Variants in HEMK2 observed in about 807,000 individuals in gnomAD.
The protein encoded by HEMK2 is HemK methyltransferase 2, ETF1 glutamine and histone H4 lysine.
the HEMK2 span, among the ~76,000 whole-genome samples, chr21:28,864,859 A>G: frequency 1.8e-3 from 247 of 136,228 alleles, 2 homozygotes; most frequent in South Asian, 6.2e-3. Flanking sequence ...AGATAGATAG[A>G]TAGATAGATG....
chr21:28,759,451 G>A, the HEMK2 span, among the ~76,000 whole-genome samples: 20 of 152,048 alleles, frequency 1.3e-4, no homozygotes, highest in Admixed American at 9.2e-4. Flanking sequence ...CAGGCTCATC[G>A]GCAGAAGGGA....
chr21:28,627,056 T>C, the HEMK2 span, among the ~76,000 whole-genome samples: 4 of 152,062 alleles, frequency 2.6e-5, no homozygotes, highest in East Asian at 1.9e-4. Context: ...TGGTCAGCAA[T>C]AAAAAGGAAC....
At chr21:28,875,281 T>C in the HEMK2 span, 1 of 152,244 alleles carries the variant, frequency 6.6e-6, no homozygotes, top group Non-Finnish European at 1.5e-5. Flanking sequence ...TAACATCCAG[T>C]TCATGATGGG....
the HEMK2 span, among the ~76,000 whole-genome samples, chr21:28,676,443 G>A: frequency 6.6e-6 from 1 of 152,182 alleles, no homozygotes. Flanking sequence ...GTACCAGGGG[G>A]TTAGGACTTC....
the HEMK2 span, among the ~76,000 whole-genome samples, chr21:28,751,272 G>A: frequency 6.7e-6 from 1 of 149,446 alleles, no homozygotes; most frequent in South Asian, 2.1e-4. Flanking sequence ...TCACTTTCAT[G>A]ACACAGAGAG....
the HEMK2 span, among the ~76,000 whole-genome samples, chr21:28,717,464 G>A: frequency 7.0e-6 from 1 of 143,566 alleles, no homozygotes; most frequent in Non-Finnish European, 1.5e-5. Flanking sequence ...GGGATCAGTT[G>A]TAATGTCATT....
the HEMK2 span, among the ~76,000 whole-genome samples, chr21:28,587,725 C>A: frequency 0.051 from 7,815 of 152,230 alleles, 201 homozygotes; most frequent in African/African-American, 0.066. Flanking sequence ...TACAGTCTGT[C>A]ATCTCTTCAC....
the HEMK2 span, among the ~76,000 whole-genome samples, chr21:28,618,433 G>A: frequency 6.6e-6 from 1 of 152,116 alleles, no homozygotes; most frequent in Non-Finnish European, 1.5e-5. Context: ...ATAGTTCATA[G>A]TTTATTTTAC....
At chr21:28,798,739 G>A in the HEMK2 span, among the ~76,000 whole-genome samples, 1 of 152,194 alleles carries the variant, frequency 6.6e-6, no homozygotes, top group African/African-American at 2.4e-5. Flanking sequence ...ACTAGTAGTA[G>A]AAGCTGTAGT....
chr21:28,884,915 G>A, the HEMK2 span, among the ~76,000 whole-genome samples: 1 of 152,060 alleles, frequency 6.6e-6, no homozygotes, highest in Non-Finnish European at 1.5e-5. Flanking sequence ...CTTCTCTCAG[G>A]GACATGTGTT....
the HEMK2 span, among the ~76,000 whole-genome samples, chr21:28,716,082 C>T: frequency 6.6e-6 from 1 of 152,048 alleles, no homozygotes; most frequent in Admixed American, 6.6e-5. Flanking sequence ...TGTGATGCTT[C>T]CAGCTTTATT....
chr21:28,675,906 A>G, the HEMK2 span, among the ~76,000 whole-genome samples: 5 of 152,144 alleles, frequency 3.3e-5, no homozygotes, highest in Non-Finnish European at 5.9e-5. Context: ...GAAGTTTCTC[A>G]TTTGGAATTA....
the HEMK2 span, among the ~76,000 whole-genome samples, chr21:28,794,948 A>G: frequency 3.9e-5 from 6 of 152,252 alleles, no homozygotes; most frequent in Middle Eastern, 6.8e-3. Context: ...TAAAGTCCAG[A>G]CCTGGTGCCG....
the HEMK2 span, among the ~76,000 whole-genome samples, chr21:28,675,047 T>C: frequency 6.6e-6 from 1 of 152,208 alleles, no homozygotes; most frequent in East Asian, 1.9e-4. Flanking sequence ...AATGATTCAT[T>C]AGCTACCTAA....
chr21:28,595,294 T>A, the HEMK2 span, among the ~76,000 whole-genome samples: 1 of 151,938 alleles, frequency 6.6e-6, no homozygotes, highest in African/African-American at 2.4e-5. Context: ...TTTGTACCCA[T>A]TAACCGCCCC....
At chr21:28,783,964 A>T in the HEMK2 span, among the ~76,000 whole-genome samples, 3 of 152,180 alleles carry the variant, frequency 2.0e-5, no homozygotes, top group African/African-American at 7.2e-5. Flanking sequence ...CTGAGCTCTA[A>T]TTCTCACCGG....
chr21:28,741,370 C>A, the HEMK2 span, among the ~76,000 whole-genome samples: 34,827 of 152,154 alleles, frequency 0.23, 4,629 homozygotes, highest in African/African-American at 0.35. Context: ...TTCAAACCTA[C>A]TACAGAAAGA....
At chr21:28,725,208 C>T in the HEMK2 span, among the ~76,000 whole-genome samples, 3 of 152,126 alleles carry the variant, frequency 2.0e-5, no homozygotes, top group African/African-American at 4.8e-5. Flanking sequence ...CTAGCATGCA[C>T]CCAATAAATG....
the HEMK2 span, among the ~76,000 whole-genome samples, chr21:28,831,634 GGAAAGAAAGAAAGAAA>G: frequency 3.0e-4 from 11 of 36,460 alleles, no homozygotes; most frequent in African/African-American, 9.8e-4. Flanking sequence ...AAAGAAGGAA[GGAAAGAAAGAAAGAAA>G]GAAAGAAAGA....
Sources: allele counts gnomAD v4.1 joint callset (sites outside exome capture counted in the v4.1 genomes callset), GRCh38; gene constraint gnomAD v4.1.1; transcripts MANE v1.5; gene names NCBI Gene and HGNC (gene_info 2026-07-23, HGNC 2026-07-21).